The following STX8 variants were observed in gnomAD, a reference collection of about 807,000 sequenced individuals.
The protein encoded by STX8 is syntaxin-8.
Under a neutral mutation model 37.5 loss-of-function variants are expected in STX8, and 23 were observed. The ratio of observed to expected loss-of-function variants is 0.61; its 90% CI spans 0.44 to 0.87. The LOEUF (loss-of-function observed/expected upper bound fraction) is 0.87, where lower values mean the gene tolerates loss of function less well. Ranked by LOEUF, STX8 falls within the 40% of genes least tolerant of loss-of-function variation. The pLI is 0.00. For synonymous variants in STX8, 115 were observed against 99.1 expected, an observed-to-expected ratio of 1.16 and a Z score of -0.95; for missense variants, 313 against 284.7, an observed-to-expected ratio of 1.10 and a Z score of -0.71.
chr17:9,350,771 G>C (rs1424544456), intron 7 of STX8, among the ~76,000 whole-genome samples: 1 of 152,160 alleles, frequency 6.6e-6, no homozygotes, highest in Non-Finnish European at 1.5e-5. Context: ...GACCTCGGGT[G>C]ATCCACCCGC....
At chr17:9,344,622 C>A (rs148180233) in intron 7 of STX8, among the ~76,000 whole-genome samples, 1 of 152,280 alleles carries the variant, frequency 6.6e-6, no homozygotes, top group Non-Finnish European at 1.5e-5. Context: ...CACACTGAGA[C>A]CCCACACTGC....
intron 6 of STX8, among the ~76,000 whole-genome samples, chr17:9,408,489 G>A (rs887541374): frequency 1.3e-5 from 2 of 152,138 alleles, no homozygotes; most frequent in Non-Finnish European, 2.9e-5. Context: ...TTCACCTAGT[G>A]TGGATTTTTA....
chr17:9,547,793 TTTTGTTTTG>T (rs1194582438), intron 3 of STX8, among the ~76,000 whole-genome samples: 8 of 133,826 alleles, frequency 6.0e-5, no homozygotes, highest in African/African-American at 2.6e-4. Context: ...TTTTTTTTTT[TTTTGTTTTG>T]TTTTGTTAAG....
At chr17:9,471,128 G>A (rs377621419) in intron 6 of STX8, among the ~76,000 whole-genome samples, 6 of 130,238 alleles carry the variant, frequency 4.6e-5, no homozygotes, top group Non-Finnish European at 8.0e-5. Flanking sequence ...TCCGCCTCCC[G>A]GGGCGTGAGC....
intron 4 of STX8, among the ~76,000 whole-genome samples, chr17:9,542,451 G>A (rs180699202): frequency 3.3e-4 from 50 of 152,246 alleles, no homozygotes; most frequent in Non-Finnish European, 5.9e-4. Flanking sequence ...GCCGAGGCAG[G>A]CAGATCACGA....
chr17:9,439,754 A>G (rs927181848), intron 6 of STX8, among the ~76,000 whole-genome samples: 4 of 151,982 alleles, frequency 2.6e-5, no homozygotes, highest in Non-Finnish European at 4.4e-5. Flanking sequence ...TCGGCCTCTC[A>G]AAGTGCTGGG....
At chr17:9,282,502 CT>C (rs1392139180) in intron 7 of STX8, among the ~76,000 whole-genome samples, 1 of 152,194 alleles carries the variant, frequency 6.6e-6, no homozygotes, top group Non-Finnish European at 1.5e-5. Context: ...TTCATTATTC[CT>C]TCCAACATTA....
chr17:9,547,635 AAAAAG>A (rs1241324679), intron 3 of STX8, among the ~76,000 whole-genome samples: 4 of 140,876 alleles, frequency 2.8e-5, no homozygotes, highest in African/African-American at 7.7e-5. Context: ...CTCAAAAAAA[AAAAAG>A]AAAAAAGAAA....
At chr17:9,394,143 C>T (rs1037565370) in intron 6 of STX8, among the ~76,000 whole-genome samples, 2 of 152,130 alleles carry the variant, frequency 1.3e-5, no homozygotes, top group African/African-American at 2.4e-5. Flanking sequence ...ACACTGTTGT[C>T]ACAGAGGGCA....
At chr17:9,320,898 C>CAA (rs569712332) in intron 7 of STX8, among the ~76,000 whole-genome samples, 17 of 78,878 alleles carry the variant, frequency 2.2e-4, no homozygotes, top group African/African-American at 5.6e-4. Flanking sequence ...GACTATTTTC[C>CAA]AAAAAAAAAA....
At chr17:9,401,110 T>C (rs950513376) in intron 6 of STX8, among the ~76,000 whole-genome samples, 2 of 152,216 alleles carry the variant, frequency 1.3e-5, no homozygotes, top group Admixed American at 6.5e-5. Context: ...CAGCCTTACA[T>C]TGCCATATCT....
At chr17:9,448,547 CG>C (rs1171258632) in intron 6 of STX8, among the ~76,000 whole-genome samples, 1 of 99,840 alleles carries the variant, frequency 1.0e-5, no homozygotes, top group African/African-American at 3.7e-5. Flanking sequence ...ATGTGCGTTA[CG>C]GAGAAAATAC....
At chr17:9,546,540 C>G (rs2142571473) in intron 3 of STX8, among the ~76,000 whole-genome samples, 1 of 142,968 alleles carries the variant, frequency 7.0e-6, no homozygotes, top group African/African-American at 2.6e-5. Flanking sequence ...TTCCCTTGGA[C>G]TAAGTACAAA....
chr17:9,524,953 A>G (rs1905505003), intron 4 of STX8, among the ~76,000 whole-genome samples: 1 of 151,892 alleles, frequency 6.6e-6, no homozygotes, highest in African/African-American at 2.4e-5. Flanking sequence ...GACTACAGGC[A>G]TGCACCACCA....
chr17:9,445,650 A>G (rs1415373670), intron 6 of STX8, among the ~76,000 whole-genome samples: 1 of 152,070 alleles, frequency 6.6e-6, no homozygotes, highest in African/African-American at 2.4e-5. Context: ...ACCGTGTTTT[A>G]TAAGTTTGAG....
chr17:9,365,508 T>C (rs1192146669), intron 7 of STX8, among the ~76,000 whole-genome samples: 1 of 152,246 alleles, frequency 6.6e-6, no homozygotes, highest in East Asian at 1.9e-4. Flanking sequence ...CAAGAGAAAC[T>C]AGCTAGCTGG....
chr17:9,458,733 G>A (rs1905261382), intron 6 of STX8, among the ~76,000 whole-genome samples: 1 of 152,152 alleles, frequency 6.6e-6, no homozygotes, highest in Non-Finnish European at 1.5e-5. Context: ...AGTGTCATAT[G>A]ATGAACGAAG....
At chr17:9,288,586 C>T (rs891809834) in intron 7 of STX8, among the ~76,000 whole-genome samples, 2 of 151,920 alleles carry the variant, frequency 1.3e-5, no homozygotes, top group African/African-American at 2.4e-5. Flanking sequence ...GCCGTGAACC[C>T]GGGAGGTGGA....
At chr17:9,378,455 A>C (rs1911675938) in intron 7 of STX8, 97 bp downstream of exon 7, 3 of 1,117,312 alleles carry the variant, frequency 2.7e-6, no homozygotes, top group Admixed American at 3.6e-5. Flanking sequence ...CAGAAGAGCA[A>C]CCAAATCCCC....
Sources: gnomAD v4.1 joint callset for allele counts (sites outside exome capture counted in the v4.1 genomes callset) on GRCh38, gnomAD v4.1.1 for gene constraint, MANE v1.5 for transcripts, NCBI Gene and HGNC (gene_info 2026-07-23, HGNC 2026-07-21) for gene names.